The following GRAP2 variants were observed in gnomAD, a reference collection of about 807,000 sequenced individuals.
GRAP2 encodes GRB2 related adaptor protein 2.
A neutral mutation model predicts 43.5 loss-of-function variants in GRAP2; 31 were observed. The observed-to-expected ratio is 0.71, with a 90% CI of 0.54 to 0.96. GRAP2 has a LOEUF of 0.96. GRAP2 is among the 40% of genes least tolerant of loss of function. GRAP2 has a pLI of 0.00. For missense variants in GRAP2, 371 were observed against 424.4 expected, an observed-to-expected ratio of 0.87 and a Z score of 1.11; for synonymous variants, 156 against 164.8, an observed-to-expected ratio of 0.95 and a Z score of 0.41.
chr22:39,908,794 T>G (rs1391295924), intron 1 of GRAP2, among the ~76,000 whole-genome samples: 1 of 152,162 alleles, frequency 6.6e-6, no homozygotes, highest in Non-Finnish European at 1.5e-5. Flanking sequence ...GTGCTTCAAA[T>G]TTTCTAAGTG....
At chr22:39,953,546 T>C (rs2067012967) in intron 2 of GRAP2, among the ~76,000 whole-genome samples, 1 of 152,222 alleles carries the variant, frequency 6.6e-6, no homozygotes, top group African/African-American at 2.4e-5. Flanking sequence ...GCAGTTTTTC[T>C]GCCGACTTTA....
upstream of GRAP2, among the ~76,000 whole-genome samples, chr22:39,897,167 G>C (rs1402485567): frequency 4.6e-5 from 7 of 151,900 alleles, no homozygotes; most frequent in Non-Finnish European, 1.0e-4. Context: ...TCTACTCCTG[G>C]TCTTGCCTTC....
chr22:39,957,706 A>C (rs1262080617), intron 3 of GRAP2, among the ~76,000 whole-genome samples: 1 of 152,078 alleles, frequency 6.6e-6, no homozygotes, highest in Non-Finnish European at 1.5e-5. Context: ...AGGCTGAGGG[A>C]GGAGGATCAC....
rs572524521 is a variant in GRAP2, at chr22:39,904,434, C to T, written c.-15+3104C>T. Among the ~76,000 whole-genome samples the T allele has an allele frequency of 2.0e-5, 3 of 152,170 alleles. No homozygotes were observed. In the South Asian group the frequency reaches 6.2e-4, roughly 32 times the overall value. ...AAAAGAAAAGATAGTGAGAAAATAA[C>T]TGAACATAAAACATAAAGAAAAGTT... is the stretch of plus-strand genomic sequence containing the variant. On this transcript the variant is annotated intron_variant, in intron 1 of 7. Transcript: ENST00000344138.
chr22:39,949,112 G>T (rs952755639), intron 2 of GRAP2, among the ~76,000 whole-genome samples: 2 of 151,994 alleles, frequency 1.3e-5, no homozygotes, highest in African/African-American at 4.8e-5. Flanking sequence ...ATGAACTCCA[G>T]CCCCTAACTC....
At chr22:39,942,934 A>G (rs2066885753) in intron 1 of GRAP2, among the ~76,000 whole-genome samples, 1 of 152,248 alleles carries the variant, frequency 6.6e-6, no homozygotes, top group Admixed American at 6.5e-5. Context: ...AAACTGGGGC[A>G]AGTATTCAGA....
intron 4 of GRAP2, among the ~76,000 whole-genome samples, chr22:39,965,057 A>G (rs964721045): frequency 6.6e-6 from 1 of 152,240 alleles, no homozygotes; most frequent in African/African-American, 2.4e-5. Context: ...AAAATGGAGA[A>G]GTAAGGCTAA....
At chr22:39,936,847 G>A (rs979082982) in intron 1 of GRAP2, among the ~76,000 whole-genome samples, 1 of 152,198 alleles carries the variant, frequency 6.6e-6, no homozygotes, top group Non-Finnish European at 1.5e-5. Context: ...GTCGATTGCA[G>A]TCTTTACCTC....
intron 1 of GRAP2, among the ~76,000 whole-genome samples, chr22:39,901,925 A>T (rs1259866305): frequency 1.3e-5 from 2 of 152,238 alleles, no homozygotes; most frequent in Admixed American, 1.3e-4. Flanking sequence ...TTAGGCGTCC[A>T]GTCTGAAGAT....
intron 2 of GRAP2, 85 bp downstream of exon 2, chr22:39,947,269 C>T: frequency 3.8e-6 from 3 of 787,252 alleles, no homozygotes; most frequent in African/African-American, 1.7e-5. Context: ...CTCTTAAGAA[C>T]TGCATGTGGT....
chr22:39,901,620 TTGGGATCA>T (rs1182977866), intron 1 of GRAP2, among the ~76,000 whole-genome samples: 2 of 152,142 alleles, frequency 1.3e-5, no homozygotes, highest in Non-Finnish European at 2.9e-5. Flanking sequence ...ATTTTCGACC[TTGGGATCA>T]TGGAGGTAAA....
intron 1 of GRAP2, among the ~76,000 whole-genome samples, chr22:39,938,296 C>T (rs952071029): frequency 1.3e-5 from 2 of 152,208 alleles, no homozygotes; most frequent in Non-Finnish European, 2.9e-5. Context: ...AGACAGGGAC[C>T]TGCAGAACAG....
intron 1 of GRAP2, among the ~76,000 whole-genome samples, chr22:39,905,939 G>A (rs2066520031): frequency 6.6e-6 from 1 of 152,166 alleles, no homozygotes; most frequent in South Asian, 2.1e-4. Flanking sequence ...CACATTTAAG[G>A]TTTAATTCAT....
At chr22:39,906,475 C>G (rs571868827) in intron 1 of GRAP2, among the ~76,000 whole-genome samples, 1 of 152,220 alleles carries the variant, frequency 6.6e-6, no homozygotes, top group African/African-American at 2.4e-5. Context: ...TGAGTTGAAT[C>G]TTATCCACTC....
chr22:39,959,947 T>C, intron 3 of GRAP2, 108 bp from the exon 4 acceptor site: 1 of 983,924 alleles, frequency 1.0e-6, no homozygotes, highest in South Asian at 1.4e-5. Context: ...TGCTCCCTAC[T>C]GTACAGAGTC....
chr22:39,929,025 C>T (rs1021614725), intron 1 of GRAP2, among the ~76,000 whole-genome samples: 2 of 152,248 alleles, frequency 1.3e-5, no homozygotes, highest in African/African-American at 2.4e-5. Context: ...CCTGAACACA[C>T]ATAAAGCTCT....
intron 2 of GRAP2, among the ~76,000 whole-genome samples, chr22:39,953,544 T>C (rs1164162151): frequency 6.6e-6 from 1 of 152,216 alleles, no homozygotes; most frequent in African/African-American, 2.4e-5. Context: ...CTGCAGTTTT[T>C]CTGCCGACTT....
intron 1 of GRAP2, chr22:39,946,817 G>A (rs1412754228): frequency 2.7e-6 from 1 of 367,094 alleles, no homozygotes; most frequent in Non-Finnish European, 5.1e-6. Context: ...GTCAGGCCAG[G>A]ATGATGAAAG....
intron 1 of GRAP2, among the ~76,000 whole-genome samples, chr22:39,910,440 G>T (rs950992454): frequency 6.6e-6 from 1 of 150,686 alleles, no homozygotes; most frequent in Non-Finnish European, 1.5e-5. Context: ...ACCAAGTCTC[G>T]CTCTGTCGCC....
Sources: gnomAD v4.1 joint callset for allele counts (sites outside exome capture counted in the v4.1 genomes callset) on GRCh38, gnomAD v4.1.1 for gene constraint, MANE v1.5 for transcripts, NCBI Gene and HGNC (gene_info 2026-07-23, HGNC 2026-07-21) for gene names.